Variants in SNTG2 observed in about 807,000 individuals in gnomAD.
SNTG2 encodes syntrophin gamma 2, also known as gamma-2-syntrophin.
In SNTG2, 74 loss-of-function variants were observed where a neutral mutation model predicts 70.9. That is an observed-to-expected ratio of 1.04 (90% CI 0.86 to 1.27). SNTG2 has a LOEUF of 1.27. SNTG2 is among the 50% of genes most tolerant of loss of function. The pLI is 0.00. For missense variants in SNTG2, 717 were observed against 690.7 expected (o/e 1.04, Z -0.43); for synonymous variants, 278 against 273.8 (o/e 1.02, Z -0.15).
intron 8 of SNTG2, among the ~76,000 whole-genome samples, chr2:1,201,192 A>G (rs962952437): frequency 1.3e-5 from 2 of 152,078 alleles, no homozygotes; most frequent in Admixed American, 6.5e-5. Context: ...TGGTATATAT[A>G]CACAATGAAA....
chr2:1,069,330 T>C (rs1572354655), intron 1 of SNTG2, among the ~76,000 whole-genome samples: 1 of 141,620 alleles, frequency 7.1e-6, no homozygotes, highest in East Asian at 2.0e-4. Context: ...AAAAAATTCT[T>C]ATATAAATGA....
At chr2:1,030,280 C>A (rs865960558) in intron 1 of SNTG2, among the ~76,000 whole-genome samples, 1 of 152,240 alleles carries the variant, frequency 6.6e-6, no homozygotes, top group Non-Finnish European at 1.5e-5. Flanking sequence ...GTGTTAGAGA[C>A]GTGCTTCGTG....
intron 4 of SNTG2, among the ~76,000 whole-genome samples, chr2:1,128,391 A>T (rs1399312332): frequency 1.3e-5 from 2 of 152,192 alleles, no homozygotes; most frequent in Non-Finnish European, 2.9e-5. Context: ...ACATAAAAAA[A>T]TTTGAAAAAT....
chr2:1,211,368 T>A (rs1426581133), intron 9 of SNTG2, among the ~76,000 whole-genome samples: 1 of 152,218 alleles, frequency 6.6e-6, no homozygotes, highest in Non-Finnish European at 1.5e-5. Context: ...CTAGCCCATC[T>A]GCCATTGAAT....
intron 12 of SNTG2, among the ~76,000 whole-genome samples, chr2:1,249,892 G>A (rs575030870): frequency 3.9e-5 from 6 of 152,238 alleles, no homozygotes; most frequent in South Asian, 4.2e-4. Flanking sequence ...CACACTGGCC[G>A]GGCAGTGCAG....
chr2:1,054,023 T>A (rs1033359303), intron 1 of SNTG2, among the ~76,000 whole-genome samples: 1 of 150,082 alleles, frequency 6.7e-6, no homozygotes, highest in African/African-American at 2.4e-5. Context: ...GGATTTAACC[T>A]GCATGTCTTG....
intron 13 of SNTG2, among the ~76,000 whole-genome samples, chr2:1,260,018 G>A (rs796180770): frequency 3.1e-4 from 47 of 152,336 alleles, no homozygotes; most frequent in African/African-American, 1.0e-3. Context: ...GGGTGCCACC[G>A]TGTCCTAGTA....
chr2:1,272,302 A>T (rs918969523), intron 14 of SNTG2, among the ~76,000 whole-genome samples: 4 of 144,784 alleles, frequency 2.8e-5, no homozygotes, highest in African/African-American at 1.0e-4. Flanking sequence ...GGAGTGTGCC[A>T]CCGAGATCCC....
intron 2 of SNTG2, among the ~76,000 whole-genome samples, chr2:1,091,047 T>A (rs780666394): frequency 1.3e-5 from 2 of 152,158 alleles, no homozygotes; most frequent in Non-Finnish European, 2.9e-5. Context: ...GTTCTGGGGC[T>A]GGGGCCCATC....
chr2:983,347 TGAA>T (rs1370057508), intron 1 of SNTG2, among the ~76,000 whole-genome samples: 1 of 151,648 alleles, frequency 6.6e-6, no homozygotes. Context: ...GAAGTCGGGA[TGAA>T]GAAGTTGCAG....
At chr2:1,224,532 C>T (rs1160208405) in intron 9 of SNTG2, among the ~76,000 whole-genome samples, 4 of 152,164 alleles carry the variant, frequency 2.6e-5, no homozygotes, top group African/African-American at 9.7e-5. Flanking sequence ...TCCCCATGCT[C>T]TGCCTCCCAG....
At chr2:1,023,971 C>G (rs1660338790) in intron 1 of SNTG2, among the ~76,000 whole-genome samples, 1 of 152,168 alleles carries the variant, frequency 6.6e-6, no homozygotes, top group Admixed American at 6.5e-5. Flanking sequence ...TGCTTTACAC[C>G]AGTAATAACT....
chr2:1,333,780 A>T (rs992134189), intron 16 of SNTG2, among the ~76,000 whole-genome samples: 1 of 152,228 alleles, frequency 6.6e-6, no homozygotes, highest in African/African-American at 2.4e-5. Flanking sequence ...CTTATACAAA[A>T]ATCAACTGAG....
At chr2:1,134,911 C>T (rs527687099) in intron 4 of SNTG2, among the ~76,000 whole-genome samples, 28 of 152,312 alleles carry the variant, frequency 1.8e-4, no homozygotes, top group Non-Finnish European at 3.2e-4. Flanking sequence ...AGCGCAACAC[C>T]GGTGGGCCAG....
intron 13 of SNTG2, chr2:1,262,788 T>TCCGTCCAGACGAGGC (rs1558611198): frequency 9.7e-6 from 1 of 103,174 alleles, no homozygotes; most frequent in African/African-American, 5.7e-5. Context: ...GCAGACGAGG[T>TCCGTCCAGACGAGGC]AACCGGAAGG....
At chr2:1,340,909 A>G (rs566142001) in intron 16 of SNTG2, 91 of 152,342 alleles carry the variant, frequency 6.0e-4, no homozygotes, top group African/African-American at 2.1e-3. Flanking sequence ...TGGCTCAAAG[A>G]AAGAAATTAA....
Position 1,247,337 on chromosome 2 carries a change from T to G in SNTG2, c.899T>G (p.Met300Arg). The change falls in exon 12 of 17, where the codon ATG becomes AGG. Residue 300 changes from methionine (M) to arginine (R), a missense_variant. Physicochemically the swap from Met to Arg is moderately conservative, Grantham distance 91. Transcript: ENST00000308624. Reference sequence around the variant, plus strand: ...TTCACCCCTCTGCAGGTTGTGCATATGGGGTGGGTAAATGAGAAACTCCAA... The same window carrying G: ...TTCACCCCTCTGCAGGTTGTGCATAGGGGGTGGGTAAATGAGAAACTCCAA... The part of the protein sequence containing the change: ...CCSPSDQVVH[M>R]GWVNEKLQGA... 1 of 1,611,804 alleles carries G rather than the reference T, an allele frequency of 6.2e-7. No homozygotes were observed. The highest frequency in any genetic ancestry group is 1.1e-5 in the South Asian group (1 of 91,032).
intron 16 of SNTG2, among the ~76,000 whole-genome samples, chr2:1,339,597 A>T (rs1230647444): frequency 6.6e-6 from 1 of 152,202 alleles, no homozygotes. Flanking sequence ...TTTTCCCTCA[A>T]ATTGAGTGGA....
chr2:1,325,860 G>C (rs1320616717), intron 16 of SNTG2, among the ~76,000 whole-genome samples: 1 of 151,408 alleles, frequency 6.6e-6, no homozygotes, highest in Non-Finnish European at 1.5e-5. Flanking sequence ...TTGAGATGGA[G>C]TCTCACTCTG....
Sources: allele counts gnomAD v4.1 joint callset (sites outside exome capture counted in the v4.1 genomes callset), GRCh38; gene constraint gnomAD v4.1.1; transcripts MANE v1.5; gene names NCBI Gene and HGNC (gene_info 2026-07-23, HGNC 2026-07-21).